Variants in VNN2 observed in about 807,000 individuals in gnomAD.
VNN2 encodes pantetheine hydrolase VNN2.
VNN2 carries 43 observed loss-of-function variants against 43.0 expected under a neutral mutation model. The observed-to-expected ratio is 1.00, with a 90% CI of 0.78 to 1.29. VNN2 has a LOEUF of 1.29. Ranked by LOEUF, VNN2 falls within the 50% of genes most tolerant of loss-of-function variation. The pLI is 0.00. For synonymous variants in VNN2, 230 were observed against 224.3 expected (o/e 1.03, Z -0.23); for missense variants, 652 against 619.7 (o/e 1.05, Z -0.55).
intron 6 of VNN2, 144 bp downstream of exon 6, chr6:132,749,551 C>A: frequency 1.2e-6 from 1 of 852,004 alleles, no homozygotes; most frequent in East Asian, 2.7e-5. Flanking sequence ...GTTCAAATTG[C>A]CAACCCACAG....
At chr6:132,758,039 C>CTTCTTCTTCTTCTT (rs1488070973), upstream of VNN2, 5 of 165,046 alleles carry the variant, frequency 3.0e-5, no homozygotes, top group South Asian at 1.4e-4. Context: ...TCTTCTTCTT[C>CTTCTTCTTCTTCTT]TTTTTTTTTT....
chr6:132,751,330 C>G lies in VNN2; in HGVS notation c.1015G>C (p.Gly339Arg). The change falls in exon 5 of 7, where the codon GGA becomes CGA. Residue 339 changes from glycine (G) to arginine (R), a missense_variant. By Grantham distance (125) the Gly-to-Arg change is moderately radical. Transcript: ENST00000326499. ...TTGAACCCATCCCTGGAAATAAATC[C>G]CCTGAAAGTGTTTTTCTGTACTGGA... ...PFPVQKNTFR[G>R]FISRDGFNFT... 1 of 1,614,054 alleles carries G rather than the reference C, an allele frequency of 6.2e-7. No homozygotes were observed. Among genetic ancestry groups the G allele is most frequent in the Non-Finnish European group, 8.5e-7 (1 of 1,180,014 alleles).
At chr6:132,752,312 C>A in intron 4 of VNN2, 149 bp downstream of exon 4, 1 of 862,584 alleles carries the variant, frequency 1.2e-6, no homozygotes, top group South Asian at 1.9e-5. Flanking sequence ...AGCTTATAAT[C>A]AAGTGCTAGC....
At position 132,755,892 on chromosome 6, in the gene VNN2, G is replaced by A. The variant is rs753027371; in HGVS notation, c.488C>T (p.Thr163Ile). 1 of 1,613,870 alleles carries A rather than the reference G, an allele frequency of 6.2e-7. No individual in the cohort carries two copies. Among genetic ancestry groups the A allele is most frequent in the Non-Finnish European group, 8.5e-7 (1 of 1,179,986 alleles). ...TCCTTCTGTATTATACACCACATTGGTATTGTATTGAAAGTAGCCATTAGG... is the reference window on the plus strand; with the variant it reads ...TCCTTCTGTATTATACACCACATTGATATTGTATTGAAAGTAGCCATTAGG... ...CPPNGYFQYN[T>I]NVVYNTEGKL... The change falls in exon 3 of 7, where the codon ACC (threonine) becomes ATC (isoleucine). Residue 163 changes from threonine to isoleucine, a missense_variant. Coordinates refer to ENST00000326499, the MANE Select transcript of VNN2 (RefSeq NM_004665.6).
rs776555471 is a variant in VNN2, at chr6:132,751,533, C to T, written c.827-15G>A. ...AATACCACTTCCTGTGAATGAAAGA[C>T]AAGTCTTCTAAAAACAACACCACAC... On this transcript the variant is annotated splice_polypyrimidine_tract_variant and intron_variant, in intron 4 of 6. Transcript: ENST00000326499. 3 of 1,587,832 alleles carry T rather than the reference C, an allele frequency of 1.9e-6. No homozygotes were observed. The highest frequency in any genetic ancestry group is 4.5e-5 in the East Asian group (2 of 44,602).
At chr6:132,749,543 T>C (rs557204333) in intron 6 of VNN2, 152 bp downstream of exon 6, 1 of 798,212 alleles carries the variant, frequency 1.3e-6, no homozygotes, top group African/African-American at 1.7e-5. Flanking sequence ...TACCCCAAGT[T>C]CAAATTGCCA....
At chr6:132,746,399 CA>C (rs1175422217) in intron 6 of VNN2, among the ~76,000 whole-genome samples, 1 of 152,080 alleles carries the variant, frequency 6.6e-6, no homozygotes, top group Admixed American at 6.5e-5. Flanking sequence ...CTCAAGAAGC[CA>C]TAATGAGCAT....
upstream of VNN2, among the ~76,000 whole-genome samples, chr6:132,761,375 T>A: frequency 6.7e-6 from 1 of 149,978 alleles, no homozygotes. Context: ...AAAAACAGTA[T>A]TGGGGTGGGC....
chr6:132,751,065 T>A, intron 5 of VNN2, 80 bp downstream of exon 5: 1 of 1,513,062 alleles, frequency 6.6e-7, no homozygotes, highest in African/African-American at 1.4e-5. Flanking sequence ...GAAAAGCACC[T>A]GGTTTTCTGG....
At chr6:132,757,915 A>C (rs755719136), upstream of VNN2, 6 of 1,588,244 alleles carry the variant, frequency 3.8e-6, no homozygotes, top group Admixed American at 1.0e-4. Flanking sequence ...GAAAGCAAAA[A>C]TAACATTCAT....
chr6:132,751,595 T>C, intron 4 of VNN2, 77 bp from the exon 5 acceptor site: 2 of 1,523,712 alleles, frequency 1.3e-6, no homozygotes, highest in Non-Finnish European at 1.8e-6. Context: ...CCCATCAGAA[T>C]TGGGCATGTG....
At chr6:132,762,704 G>A (rs1015473320), upstream of VNN2, among the ~76,000 whole-genome samples, 23 of 152,208 alleles carry the variant, frequency 1.5e-4, no homozygotes, top group Admixed American at 9.8e-4. Context: ...GAACACAGCT[G>A]AAACCAGAGC....
chr6:132,752,356 A>C (rs753007548), intron 4 of VNN2, 105 bp downstream of exon 4: 70 of 1,331,086 alleles, frequency 5.3e-5, no homozygotes, highest in Non-Finnish European at 7.0e-5. Flanking sequence ...TGACAAACAC[A>C]GTAAGAATTT....
chr6:132,758,621 C>A (rs185405687), upstream of VNN2, among the ~76,000 whole-genome samples: 1 of 152,172 alleles, frequency 6.6e-6, no homozygotes, highest in Admixed American at 6.5e-5. Flanking sequence ...TTTTTTGGTT[C>A]TGTTGAGTCA....
At chr6:132,745,677 GA>G (rs1396493544) in intron 6 of VNN2, among the ~76,000 whole-genome samples, 2 of 152,212 alleles carry the variant, frequency 1.3e-5, no homozygotes, top group African/African-American at 4.8e-5. Context: ...GTGAAGAAGA[GA>G]AGAAGGAATA....
Position 132,749,813 on chromosome 6 carries a change from G to T in VNN2, c.1253C>A (p.Pro418Gln), listed in dbSNP as rs933145880. ...KTTNLTTCGR[P>Q]VETASTRFEM... ...AAATCTTGTAGAAGCAGTTTCTACT[G>T]GCCGTCCACAAGTTGTCAAATTAGT... The change falls in exon 6 of 7, where the codon CCA becomes CAA. Residue 418 changes from proline to glutamine, a missense_variant. Physicochemically the swap from Pro to Gln is moderately conservative, Grantham distance 76 (BLOSUM62 -1). Transcript: ENST00000326499. The T allele has an allele frequency of 1.7e-5, 27 of 1,614,088 alleles. No individual in the cohort carries two copies. The highest frequency in any genetic ancestry group is 2.2e-5 in the Non-Finnish European group (26 of 1,179,978).
intron 4 of VNN2, among the ~76,000 whole-genome samples, 161 bp from the exon 5 acceptor site, chr6:132,751,679 T>G (rs1780115934): frequency 6.6e-6 from 1 of 152,228 alleles, no homozygotes; most frequent in African/African-American, 2.4e-5. Flanking sequence ...ACTACTTCTA[T>G]TCTCTAATGG....
rs559656814 is a variant in VNN2, at chr6:132,749,049, G to A, written c.1371+646C>T. 3.9e-5 allele frequency among the ~76,000 whole-genome samples: 6 copies of A among 152,238 alleles called. No individual in the cohort carries two copies. The South Asian group carries it at 1.2e-3, about 32-fold the overall frequency. On this transcript the variant is annotated intron_variant, in intron 6 of 6. Coordinates refer to ENST00000326499, the MANE Select transcript of VNN2 (RefSeq NM_004665.6). ...TGGTATCTCAGACTCACAGTTCTAG[G>A]TATGTTCTTTATTATGTTCTTCCAA...
chr6:132,760,719 C>T (rs1331920670), upstream of VNN2: 1 of 151,902 alleles, frequency 6.6e-6, no homozygotes, highest in East Asian at 1.9e-4. Context: ...GAGGAGTTAA[C>T]AGTTTTATAA....
Sources: gnomAD v4.1 joint callset for allele counts (sites outside exome capture counted in the v4.1 genomes callset) on GRCh38, gnomAD v4.1.1 for gene constraint, MANE v1.5 for transcripts, NCBI Gene and HGNC (gene_info 2026-07-23, HGNC 2026-07-21) for gene names.